Variants in TMT1A observed in about 807,000 individuals in gnomAD.
The protein encoded by TMT1A is thiol methyltransferase 1A, also known as thiol S-methyltransferase TMT1A.
chr12:50,926,223 C>A, the TMT1A span, among the ~76,000 whole-genome samples: 1 of 151,812 alleles, frequency 6.6e-6, no homozygotes, highest in Non-Finnish European at 1.5e-5. Flanking sequence ...GGAAAATGGG[C>A]AAATAACAGG....
chr12:50,925,270 G>A, the TMT1A span: 1 of 1,614,086 alleles, frequency 6.2e-7, no homozygotes, highest in Non-Finnish European at 8.5e-7. Flanking sequence ...GCTGGAAGTG[G>A]GCTGTGGCAC....
At chr12:50,931,241 T>C in the TMT1A span, 2 of 152,138 alleles carry the variant, frequency 1.3e-5, no homozygotes, top group African/African-American at 4.8e-5. Flanking sequence ...TTTTATCTTC[T>C]CTTTGAGAGC....
At chr12:50,930,084 G>A in the TMT1A span, 5 of 1,614,094 alleles carry the variant, frequency 3.1e-6, no homozygotes, top group Admixed American at 1.7e-5. Context: ...TGAAGCTGCA[G>A]CACATCCAGG....
the TMT1A span, among the ~76,000 whole-genome samples, chr12:50,926,497 A>C: frequency 6.6e-6 from 1 of 152,224 alleles, no homozygotes; most frequent in African/African-American, 2.4e-5. Context: ...TATTAAGTAG[A>C]ATTTGTAATT....
At chr12:50,929,917 G>A in the TMT1A span, 1 of 1,591,928 alleles carries the variant, frequency 6.3e-7, no homozygotes, top group African/African-American at 1.3e-5. Context: ...TTCTCAGGGA[G>A]GGGCTTTCTA....
chr12:50,930,278 T>G, the TMT1A span: 1 of 666,258 alleles, frequency 1.5e-6, no homozygotes, highest in Non-Finnish European at 2.4e-6. Context: ...TTGTTGGTTT[T>G]TTTTTTTTTT....
At chr12:50,930,196 T>C in the TMT1A span, 1 of 1,442,178 alleles carries the variant, frequency 6.9e-7, no homozygotes, top group Non-Finnish European at 9.3e-7. Context: ...AATTTAAAGC[T>C]TCAGTTTTAC....
chr12:50,928,889 G>A, the TMT1A span, among the ~76,000 whole-genome samples: 1 of 152,060 alleles, frequency 6.6e-6, no homozygotes, highest in Non-Finnish European at 1.5e-5. Context: ...GGGCAACACT[G>A]ACCTCCCCAA....
At chr12:50,930,118 C>T in the TMT1A span, 14 of 1,612,590 alleles carry the variant, frequency 8.7e-6, no homozygotes, top group African/African-American at 4.0e-5. Flanking sequence ...GGAGTTGGTG[C>T]GCCCTCATAT....
the TMT1A span, chr12:50,930,291 G>A: frequency 1.9e-6 from 1 of 517,756 alleles, no homozygotes. Context: ...TTTTTTTTTT[G>A]GCGGGAAGAA....
At chr12:50,925,556 G>T in the TMT1A span, 1 of 1,606,586 alleles carries the variant, frequency 6.2e-7, no homozygotes. Context: ...AGGGTGTGAG[G>T]AGGACTAGTT....
chr12:50,925,414 G>A, the TMT1A span: 1 of 1,614,218 alleles, frequency 6.2e-7, no homozygotes, highest in Non-Finnish European at 8.5e-7. Context: ...TGTGGTAGCT[G>A]CCGGGGAGAA....
At chr12:50,930,050 T>C in the TMT1A span, 20 of 1,614,026 alleles carry the variant, frequency 1.2e-5, no homozygotes, top group Non-Finnish European at 1.6e-5. Flanking sequence ...TGGAAGGCCC[T>C]GGAGCGGGCC....
chr12:50,925,249 A>C, the TMT1A span: 14 of 1,614,090 alleles, frequency 8.7e-6, no homozygotes, highest in Non-Finnish European at 1.2e-5. Flanking sequence ...CCCCTCCGGG[A>C]AACTCTCCCT....
the TMT1A span, among the ~76,000 whole-genome samples, chr12:50,927,296 G>A: frequency 3.9e-5 from 6 of 152,140 alleles, no homozygotes; most frequent in Admixed American, 2.6e-4. Flanking sequence ...CAAAGTGTTG[G>A]GATTACAGGT....
chr12:50,932,218 C>T, the TMT1A span: 1 of 152,192 alleles, frequency 6.6e-6, no homozygotes, highest in Admixed American at 6.5e-5. Context: ...AGCCCCTAAA[C>T]ATCAAGCAAT....
At chr12:50,930,098 C>T in the TMT1A span, 3 of 1,613,894 alleles carry the variant, frequency 1.9e-6, no homozygotes, top group African/African-American at 1.3e-5. Context: ...ATCCAGGCCC[C>T]ACTGTCCTGG....
the TMT1A span, among the ~76,000 whole-genome samples, chr12:50,925,734 C>T: frequency 6.6e-6 from 1 of 151,980 alleles, no homozygotes; most frequent in East Asian, 1.9e-4. Context: ...AAACTTAAAA[C>T]TGCTATAAAG....
the TMT1A span, chr12:50,931,445 C>T: frequency 2.0e-5 from 3 of 151,076 alleles, no homozygotes; most frequent in African/African-American, 7.3e-5. Context: ...CGTGGTGGCT[C>T]ACGCCTGTAA....
Sources: allele counts gnomAD v4.1 joint callset (sites outside exome capture counted in the v4.1 genomes callset), GRCh38; gene constraint gnomAD v4.1.1; transcripts MANE v1.5; gene names NCBI Gene and HGNC (gene_info 2026-07-23, HGNC 2026-07-21).